The following BORCS7 variants were observed in gnomAD, a reference collection of about 807,000 sequenced individuals.
BORCS7 encodes the protein BLOC-1-related complex subunit 7.
A neutral mutation model predicts 17.5 loss-of-function variants in BORCS7; 20 were observed. The observed-to-expected ratio is 1.14, with a 90% CI of 0.80 to 1.66. BORCS7 has a LOEUF of 1.66. Among genes scored for constraint, BORCS7 ranks in the 40% most tolerant of loss-of-function variants. BORCS7 has a pLI of 0.00. For missense variants in BORCS7, 122 were observed against 129.7 expected, an observed-to-expected ratio of 0.94 and a Z score of 0.29; for synonymous variants, 57 against 49.8, an observed-to-expected ratio of 1.14 and a Z score of -0.61.
At chr10:102,861,561 A>G (rs1844521004) in intron 3 of BORCS7, among the ~76,000 whole-genome samples, 1 of 151,674 alleles carries the variant, frequency 6.6e-6, no homozygotes, top group African/African-American at 2.4e-5. Context: ...TACTAAAAAT[A>G]CAAAAATTAG....
Position 102,854,435 on chromosome 10 carries a change from G to C in BORCS7, c.141+8G>C. 6.5e-7 allele frequency: 1 copy of C among 1,532,446 alleles called. No individual in the cohort carries two copies. Among genetic ancestry groups the C allele is most frequent in the Non-Finnish European group, 8.8e-7 (1 of 1,131,498 alleles). The allele number at this position is 1,532,446 out of a possible 1,614,324, so 94.9% of individuals were successfully genotyped here. ...GGCTCCCGGAGCTCCGAGGTGAGCTGGAAGTGGACTCTCCCGGCCTGATAG... is the reference window on the plus strand; with the variant it reads ...GGCTCCCGGAGCTCCGAGGTGAGCTCGAAGTGGACTCTCCCGGCCTGATAG... On this transcript the variant is annotated splice_region_variant and intron_variant, in intron 1 of 4. Transcript: ENST00000339834.
chr10:102,854,271 C>T lies in BORCS7; in HGVS notation c.-16C>T, dbSNP rs768900369. The T allele has an allele frequency of 3.1e-6, 5 of 1,604,274 alleles. No individual in the cohort carries two copies. The South Asian group carries it at 5.6e-5, about 18-fold the overall frequency. ...GCGACTCACCATCGTCAGTGCGCAA[C>T]CGTTCGCTAACTGAAATGATGGCGA... is the stretch of plus-strand genomic sequence containing the variant. On this transcript the variant is annotated 5_prime_UTR_variant, in exon 1 of 5. Coordinates refer to ENST00000339834, the MANE Select transcript of BORCS7 (RefSeq NM_001136200.2).
intron 1 of BORCS7, among the ~76,000 whole-genome samples, chr10:102,857,024 AC>A (rs1377164337): frequency 6.6e-6 from 1 of 152,188 alleles, no homozygotes; most frequent in African/African-American, 2.4e-5. Flanking sequence ...CATTTCTAAA[AC>A]AGAAAAATGG....
At chr10:102,861,141 A>G (rs1298846750) in intron 3 of BORCS7, among the ~76,000 whole-genome samples, 2 of 152,164 alleles carry the variant, frequency 1.3e-5, no homozygotes, top group African/African-American at 4.8e-5. Flanking sequence ...GGGGCTGGGC[A>G]TGGTGGCTCA....
At chr10:102,855,303 C>A (rs1425134526) in intron 1 of BORCS7, among the ~76,000 whole-genome samples, 1 of 151,682 alleles carries the variant, frequency 6.6e-6, no homozygotes. Context: ...GGATTACAGG[C>A]ACGCACCACC....
rs745554552 is a variant in BORCS7 at position 102,860,557 on chromosome 10, C to G, written c.248+16C>G. ...TTCAATACCAGTGAGTATGCCCCCT[C>G]CAGCAACTATTTGCTGCAGAATCAT... On this transcript the variant is annotated intron_variant, in intron 3 of 4. Coordinates refer to ENST00000339834, the MANE Select transcript of BORCS7 (RefSeq NM_001136200.2). 2 of 1,609,404 alleles carry G rather than the reference C, an allele frequency of 1.2e-6. No homozygotes were observed. Among genetic ancestry groups the G allele is most frequent in the Non-Finnish European group, 8.5e-7 (1 of 1,175,884 alleles).
chr10:102,863,704 C>T lies in BORCS7; in HGVS notation c.*780C>T, dbSNP rs930304611. On this transcript the variant is annotated 3_prime_UTR_variant, in exon 5 of 5. Coordinates refer to ENST00000339834, the MANE Select transcript of BORCS7 (RefSeq NM_001136200.2). ...GGTCATATAATGGTGATAAGTAATA[C>T]CTGATTGTTTCCTTTTCTGTTCTAG... 3.3e-5 allele frequency: 5 copies of T among 151,926 alleles called. No homozygotes were observed. The highest frequency in any genetic ancestry group is 1.3e-4 in the Admixed American group (2 of 15,238). 9.4% of individuals were successfully genotyped at this position (151,926 alleles called of 1,614,324 possible).
chr10:102,862,298 T>C, intron 4 of BORCS7, 118 bp downstream of exon 4: 3 of 946,946 alleles, frequency 3.2e-6, no homozygotes, highest in Non-Finnish European at 4.9e-6. Context: ...CAAATTGAAA[T>C]ATGCTCTGGG....
chr10:102,858,205 AGC>A lies in BORCS7; in HGVS notation c.142-2125_142-2124del, dbSNP rs141784634. ...TATATATATATAGAGAGAGAGAGCGAGCGAGAGAGAGAGAGAGAGAGAGCAAG... is the reference window on the plus strand; with the variant it reads ...TATATATATATAGAGAGAGAGAGCGAGAGAGAGAGAGAGAGAGAGAGCAAG... On this transcript the variant is annotated intron_variant, in intron 1 of 4. Transcript: ENST00000339834. Among the ~76,000 whole-genome samples, 569 of 141,496 alleles carry A rather than the reference AGC, an allele frequency of 4.0e-3. 3 individuals carry two copies. The highest frequency in any genetic ancestry group is 8.3e-3 in the East Asian group (41 of 4,936). The allele number at this position is 141,496 out of a possible 152,430, so 92.8% of individuals were successfully genotyped here. A position where few individuals can be genotyped will look rare whatever the true frequency, so the allele number is the denominator to read the frequency against.
intron 1 of BORCS7, among the ~76,000 whole-genome samples, chr10:102,857,865 A>G (rs1016371456): frequency 5.3e-5 from 8 of 152,164 alleles, no homozygotes; most frequent in African/African-American, 1.9e-4. Flanking sequence ...TTGCAAAGTG[A>G]AAACAGCAAG....
At chr10:102,859,639 C>T (rs558307942) in intron 1 of BORCS7, among the ~76,000 whole-genome samples, 71 of 150,184 alleles carry the variant, frequency 4.7e-4, no homozygotes, top group African/African-American at 1.6e-3. Flanking sequence ...GATCTTGGCT[C>T]ACTGCAACTT....
chr10:102,860,449 G>A, intron 2 of BORCS7, 49 bp from the exon 3 acceptor site: 1 of 1,609,716 alleles, frequency 6.2e-7, no homozygotes, highest in Non-Finnish European at 8.5e-7. Flanking sequence ...GGTTTGTGTG[G>A]CCACAGGGAA....
rs1454191985 is a variant in BORCS7, at chr10:102,862,320, G to A, written c.269+140G>A. On this transcript the variant is annotated intron_variant, in intron 4 of 4. Coordinates refer to ENST00000339834, the MANE Select transcript of BORCS7 (RefSeq NM_001136200.2). ...AAATATGCTCTGGGATACTCACTTG[G>A]GATTTAAAGATACAGCATATTTCAA... 9.2e-6 allele frequency: 7 copies of A among 763,494 alleles called. No homozygotes were observed. The Admixed American group carries it at 2.0e-4, about 22-fold the overall frequency. The allele number at this position is 763,494 out of a possible 1,614,324, so 47.3% of individuals were successfully genotyped here.
At chr10:102,862,283 G>A in intron 4 of BORCS7, 103 bp downstream of exon 4, 1 of 1,105,876 alleles carries the variant, frequency 9.0e-7, no homozygotes, top group Non-Finnish European at 1.3e-6. Flanking sequence ...GTTGACACCT[G>A]CCCTCAAATT....
Position 102,859,628 on chromosome 10 carries a change from A to C in BORCS7, c.142-704A>C, listed in dbSNP as rs368864167. On this transcript the variant is annotated intron_variant, in intron 1 of 4. Transcript: ENST00000339834. ...TCGCCCAGGCTGGAGTACAGTGGTG[A>C]GATCTTGGCTCACTGCAACTTTCGC... is the stretch of plus-strand genomic sequence containing the variant. Among the ~76,000 whole-genome samples, 603 of 142,048 alleles carry C rather than the reference A, an allele frequency of 4.2e-3. 7 individuals are homozygous for C. The highest frequency in any genetic ancestry group is 0.014 in the African/African-American group (544 of 37,774). The allele number at this position is 142,048 out of a possible 152,430, so 93.2% of individuals were successfully genotyped here.
At chr10:102,854,871 A>T (rs1288914645) in intron 1 of BORCS7, among the ~76,000 whole-genome samples, 1 of 148,004 alleles carries the variant, frequency 6.8e-6, no homozygotes, top group Non-Finnish European at 1.5e-5. Flanking sequence ...TATATATATA[A>T]GTATTATATA....
intron 1 of BORCS7, among the ~76,000 whole-genome samples, chr10:102,859,765 T>G (rs891572145): frequency 6.6e-6 from 1 of 151,818 alleles, no homozygotes; most frequent in East Asian, 2.0e-4. Flanking sequence ...GGTTTCACCA[T>G]GTTGCCCAGG....
chr10:102,861,826 A>G (rs1041798402), intron 3 of BORCS7, among the ~76,000 whole-genome samples: 1 of 152,208 alleles, frequency 6.6e-6, no homozygotes, highest in Non-Finnish European at 1.5e-5. Flanking sequence ...CATAATCATT[A>G]GTCATTCTTT....
intron 1 of BORCS7, among the ~76,000 whole-genome samples, chr10:102,855,889 G>C (rs549688001): frequency 6.6e-6 from 1 of 152,134 alleles, no homozygotes; most frequent in Admixed American, 6.5e-5. Context: ...AGCCTCCTGA[G>C]TAGCTGGGAT....
Sources: allele counts gnomAD v4.1 joint callset (sites outside exome capture counted in the v4.1 genomes callset), GRCh38; gene constraint gnomAD v4.1.1; transcripts MANE v1.5; gene names NCBI Gene and HGNC (gene_info 2026-07-23, HGNC 2026-07-21).